OR52N5: variants seen among roughly 807,000 people sequenced by gnomAD.
OR52N5 encodes olfactory receptor family 52 subfamily N member 5.
OR52N5 carries 10 observed loss-of-function variants against 14.1 expected under a neutral mutation model. The ratio of observed to expected loss-of-function variants is 0.71; its 90% CI spans 0.44 to 1.20. The LOEUF (loss-of-function observed/expected upper bound fraction) is 1.20. Ranked by LOEUF, OR52N5 falls within the 50% of genes most tolerant of loss-of-function variation. OR52N5 has a pLI of 0.00. For synonymous variants in OR52N5, 116 were observed against 143.0 expected (o/e 0.81, Z 1.35); for missense variants, 361 against 403.2 (o/e 0.90, Z 0.90).
chr11:5,782,105 T>A lies in OR52N5; in HGVS notation c.-247-349A>T, dbSNP rs931542773. ...TTGCTCTAAAATGTTTTCCCAGAAA[T>A]GTCAAATCAACCTTTTAATGACACA... On this transcript the variant is annotated intron_variant, in intron 1 of 2. Coordinates refer to ENST00000641181, the MANE Select transcript of OR52N5 (RefSeq NM_001385662.1). Among the ~76,000 whole-genome samples, 4 of 140,516 alleles carry A rather than the reference T, an allele frequency of 2.8e-5. 1 individual carries two copies. In the Admixed American group the frequency reaches 2.9e-4, roughly 10 times the overall value. 92.2% of individuals were successfully genotyped at this position (140,516 alleles called of 152,430 possible). A position where few individuals can be genotyped will look rare whatever the true frequency, so the allele number is the denominator to read the frequency against.
At chr11:5,782,536 C>G (rs1487516461) in intron 1 of OR52N5, among the ~76,000 whole-genome samples, 1 of 139,786 alleles carries the variant, frequency 7.2e-6, no homozygotes, top group African/African-American at 2.6e-5. Flanking sequence ...AATAGCTTGC[C>G]AAAGATACAG....
Position 5,778,493 on chromosome 11 carries a change from C to A in OR52N5, c.142G>T (p.Val48Leu), listed in dbSNP as rs1408506097. ...PLCTMYIIFL[V>L]GNLGLVYLIY... is the part of the protein sequence containing the mutation. ...AGGTACACAAGACCAAGATTCCCCA[C>A]AAGGAAGATGATGTACATTGTGCAG... Residue 48 changes from valine to leucine, a missense_variant, in exon 3 of 3, where the codon GTG becomes TTG. Physicochemically the swap from Val to Leu is conservative, Grantham distance 32. Transcript: ENST00000641181. The A allele has an allele frequency of 6.6e-7, 1 of 1,517,832 alleles. No homozygotes were observed. The highest frequency in any genetic ancestry group is 1.4e-5 in the African/African-American group (1 of 69,584). 94.0% of individuals were successfully genotyped at this position (1,517,832 alleles called of 1,614,324 possible). A position where few individuals can be genotyped will look rare whatever the true frequency, so the allele number is the denominator to read the frequency against.
chr11:5,777,690 C>T lies in OR52N5; in HGVS notation c.945G>A (p.Lys315=). ...CTGCACCCTTATCACCCTGGAAGAA[C>T]TTTATGACACTCTTGCGTATCTGTT... ...KTKQIRKSVI[K]FFQGDKGAG is the part of the protein sequence containing the mutation. Residue 315 remains lysine, a synonymous_variant, in exon 3 of 3, where the codon AAG becomes AAA. Coordinates refer to ENST00000641181, the MANE Select transcript of OR52N5 (RefSeq NM_001385662.1). 6.7e-7 allele frequency: 1 copy of T among 1,495,646 alleles called. No homozygotes were observed. Among genetic ancestry groups the T allele is most frequent in the Non-Finnish European group, 9.1e-7 (1 of 1,101,538 alleles). 92.6% of individuals were successfully genotyped at this position (1,495,646 alleles called of 1,614,324 possible). A position where few individuals can be genotyped will look rare whatever the true frequency, so the allele number is the denominator to read the frequency against.
In OR52N5 at chr11:5,778,189, A is replaced by G; in HGVS notation, c.446T>C (p.Ile149Thr). The G allele has an allele frequency of 6.6e-7, 1 of 1,520,902 alleles. No individual in the cohort carries two copies. Among genetic ancestry groups the G allele is most frequent in the Non-Finnish European group, 9.0e-7 (1 of 1,114,228 alleles). 94.2% of individuals were successfully genotyped at this position (1,520,902 alleles called of 1,614,324 possible). Reference sequence around the variant, plus strand: ...GGTGGCAAGCTCAGCCTTGGCAATGATAGGGTTGGTGAGTGTGGTAGCATA... The same window carrying G: ...GGTGGCAAGCTCAGCCTTGGCAATGGTAGGGTTGGTGAGTGTGGTAGCATA... ...LRYATTLTNP[I>T]IAKAELATFL... is the part of the protein sequence containing the mutation. Residue 149 changes from isoleucine to threonine, a missense_variant, in exon 3 of 3, where the codon ATC becomes ACC. Physicochemically the swap from Ile to Thr is moderately conservative, Grantham distance 89. Transcript: ENST00000641181.
chr11:5,778,797 A>T, intron 2 of OR52N5, 140 bp from the exon 3 acceptor site: 2 of 484,690 alleles, frequency 4.1e-6, no homozygotes, highest in Non-Finnish European at 7.2e-6. Context: ...GTATTGAATA[A>T]TACTGTATTC....
In OR52N5 at chr11:5,778,536, T is replaced by TA. The variant is rs1352890411; in HGVS notation, c.98dup (p.Trp34MetfsTer27). 4 of 1,513,448 alleles carry TA rather than the reference T, an allele frequency of 2.6e-6. No individual in the cohort carries two copies. The African/African-American group carries it at 5.7e-5, about 22-fold the overall frequency. The allele number at this position is 1,513,448 out of a possible 1,614,324, so 93.8% of individuals were successfully genotyped here. A position where few individuals can be genotyped will look rare whatever the true frequency, so the allele number is the denominator to read the frequency against. ...TTGTGCAGAGTGGGAGGGAGATCCA[T>TA]ACATGTACTCTTTCCAGACCAGGTA... On this transcript the variant is annotated frameshift_variant, in exon 3 of 3. Coordinates refer to ENST00000641181, the MANE Select transcript of OR52N5 (RefSeq NM_001385662.1). LOFTEE classifies it high-confidence loss of function.
chr11:5,778,070 C>A lies in OR52N5; in HGVS notation c.565G>T (p.Asp189Tyr). ...GATAGCTTTACTACAGACATGTGGT[C>A]GCAGTACGTATGGGAGATAATATTG... is the stretch of plus-strand genomic sequence containing the variant. Reference protein sequence around the residue: ...QSNIISHTYCDHMSVVKLSCA... With the variant: ...QSNIISHTYCYHMSVVKLSCA... Residue 189 changes from aspartate (D) to tyrosine (Y), a missense_variant, in exon 3 of 3, where the codon GAC (aspartate) becomes TAC (tyrosine). By Grantham distance (160) the Asp-to-Tyr change is radical. Transcript: ENST00000641181. The A allele has an allele frequency of 6.6e-7, 1 of 1,518,236 alleles. No individual in the cohort carries two copies. The highest frequency in any genetic ancestry group is 1.2e-5 in the South Asian group (1 of 85,782). 94.0% of individuals were successfully genotyped at this position (1,518,236 alleles called of 1,614,324 possible).
Position 5,780,823 on chromosome 11 carries a change from T to A in OR52N5, c.-24+710A>T, listed in dbSNP as rs139354335. On this transcript the variant is annotated intron_variant, in intron 2 of 2. Coordinates refer to ENST00000641181, the MANE Select transcript of OR52N5 (RefSeq NM_001385662.1). ...AAGACAGTGTCTTCAATAAATGGTG[T>A]TGGGAAAACTGAATATCCACACTCA... Among the ~76,000 whole-genome samples, 53 of 140,016 alleles carry A rather than the reference T, an allele frequency of 3.8e-4. 7 individuals carry two copies. The East Asian group carries it at 9.5e-3, about 25-fold the overall frequency. The allele number at this position is 140,016 out of a possible 152,430, so 91.9% of individuals were successfully genotyped here.
At chr11:5,779,906 A>T (rs1333506808) in intron 2 of OR52N5, among the ~76,000 whole-genome samples, 1 of 139,066 alleles carries the variant, frequency 7.2e-6, no homozygotes, top group Non-Finnish European at 1.6e-5. Flanking sequence ...TTGTTACTCC[A>T]CCCAGGTCAC....
chr11:5,776,800 C>G lies in OR52N5; in HGVS notation c.*860G>C, dbSNP rs370743156. 10 of 140,370 alleles carry G rather than the reference C, an allele frequency of 7.1e-5. 2 individuals are homozygous for G. The highest frequency in any genetic ancestry group is 1.5e-4 in the Admixed American group (2 of 13,600). 8.7% of individuals were successfully genotyped at this position (140,370 alleles called of 1,614,324 possible). A position where few individuals can be genotyped will look rare whatever the true frequency, so the allele number is the denominator to read the frequency against. On this transcript the variant is annotated 3_prime_UTR_variant, in exon 3 of 3. Transcript: ENST00000641181. ...TCTGTTGATGGACACAGGTTGATTTCATGTCTTGGCTATTGTGAACAATGT... is the reference window on the plus strand; with the variant it reads ...TCTGTTGATGGACACAGGTTGATTTGATGTCTTGGCTATTGTGAACAATGT...
chr11:5,780,712 G>T (rs12287490), intron 2 of OR52N5, among the ~76,000 whole-genome samples: 1,578 of 139,154 alleles, frequency 0.011, 294 homozygotes, highest in Middle Eastern at 0.023. Context: ...ACTGAAAGAT[G>T]AAACAGAAAA....
rs888810527 is a variant in OR52N5 at position 5,782,392 on chromosome 11, A to G, written c.-247-636T>C. On this transcript the variant is annotated intron_variant, in intron 1 of 2. Coordinates refer to ENST00000641181, the MANE Select transcript of OR52N5 (RefSeq NM_001385662.1). ...GACAAAAAAAAGTAATAGTAGTACTATTTGATTGTCTATATTTACCTGTTT... is the reference window on the plus strand; with the variant it reads ...GACAAAAAAAAGTAATAGTAGTACTGTTTGATTGTCTATATTTACCTGTTT... Among the ~76,000 whole-genome samples, 6 of 139,784 alleles carry G rather than the reference A, an allele frequency of 4.3e-5. 1 individual carries two copies. The highest frequency in any genetic ancestry group is 1.6e-4 in the African/African-American group (6 of 38,170). The allele number at this position is 139,784 out of a possible 152,430, so 91.7% of individuals were successfully genotyped here. A position where few individuals can be genotyped will look rare whatever the true frequency, so the allele number is the denominator to read the frequency against.
rs1009679993 is a variant in OR52N5 at position 5,776,441 on chromosome 11, T to C, written c.*1219A>G. ...AATAAGACTTGTCTGTCCATTCTAA[T>C]ATATACATAAAAATATTTCTCAAAA... On this transcript the variant is annotated 3_prime_UTR_variant, in exon 3 of 3. Transcript: ENST00000641181. 1 of 140,262 alleles carries C rather than the reference T, an allele frequency of 7.1e-6. No individual in the cohort carries two copies. The highest frequency in any genetic ancestry group is 2.6e-5 in the African/African-American group (1 of 38,328). The allele number at this position is 140,262 out of a possible 1,614,324, so 8.7% of individuals were successfully genotyped here.
Position 5,778,407 on chromosome 11 carries a change from G to T in OR52N5, c.228C>A (p.Ser76=). 3.3e-6 allele frequency: 5 copies of T among 1,519,190 alleles called. 1 individual carries two copies. The highest frequency in any genetic ancestry group is 4.5e-6 in the Non-Finnish European group (5 of 1,113,806). The allele number at this position is 1,519,190 out of a possible 1,614,324, so 94.1% of individuals were successfully genotyped here. Residue 76 remains serine (S), a synonymous_variant, in exon 3 of 3, where the codon TCC becomes TCA. Transcript: ENST00000641181. The part of the protein sequence containing the change: ...PMYFFFGHAL[S]LIDLLTCTTT... ...TGGTGCAGGTAAGGAGGTCAATGAG[G>T]GAGAGAGCATGGCCAAAAAAAAAAT...
At chr11:5,783,141 G>A (rs1854561319) in intron 1 of OR52N5, among the ~76,000 whole-genome samples, 154 bp downstream of exon 1, 1 of 138,666 alleles carries the variant, frequency 7.2e-6, no homozygotes, top group African/African-American at 2.6e-5. Flanking sequence ...TTTGAATGTG[G>A]AATGAACATA....
Position 5,777,827 on chromosome 11 carries a change from C to T in OR52N5, c.808G>A (p.Ala270Thr). 2 of 1,519,984 alleles carry T rather than the reference C, an allele frequency of 1.3e-6. 1 individual carries two copies. Among genetic ancestry groups the T allele is most frequent in the East Asian group, 4.7e-5 (2 of 42,828 alleles). The allele number at this position is 1,519,984 out of a possible 1,614,324, so 94.2% of individuals were successfully genotyped here. A position where few individuals can be genotyped will look rare whatever the true frequency, so the allele number is the denominator to read the frequency against. The change falls in exon 3 of 3, where the codon GCC becomes ACC. Residue 270 changes from alanine to threonine, a missense_variant. By Grantham distance (58) the Ala-to-Thr change is moderately conservative. Transcript: ENST00000641181. Reference sequence around the variant, plus strand: ...ATTGTGTGTCCCCCAAAACGGTGGGCAAAGAAAGTGAAGAATGCTGGAACA... The same window carrying T: ...ATTGTGTGTCCCCCAAAACGGTGGGTAAAGAAAGTGAAGAATGCTGGAACA... ...TYVPAFFTFF[A>T]HRFGGHTIPP...
Position 5,777,730 on chromosome 11 carries a change from T to C in OR52N5, c.905A>G (p.Tyr302Cys). The C allele has an allele frequency of 7.9e-6, 12 of 1,515,686 alleles. 2 individuals carry two copies. Among genetic ancestry groups the C allele is most frequent in the African/African-American group, 2.9e-5 (2 of 70,098 alleles). 93.9% of individuals were successfully genotyped at this position (1,515,686 alleles called of 1,614,324 possible). A position where few individuals can be genotyped will look rare whatever the true frequency, so the allele number is the denominator to read the frequency against. The part of the protein sequence containing the change: ...LLPPTLNPIV[Y>C]GVKTKQIRKS... ...GCGTATCTGTTTTGTCTTTACTCCA[T>C]AAACAATAGGGTTTAGAGTTGGGGG... Residue 302 changes from tyrosine (Y) to cysteine (C), a missense_variant, in exon 3 of 3, where the codon TAT (tyrosine) becomes TGT (cysteine). Tyr to Cys is a radical substitution (Grantham distance 194). Coordinates refer to ENST00000641181, the MANE Select transcript of OR52N5 (RefSeq NM_001385662.1).
Position 5,778,595 on chromosome 11 carries a change from G to A in OR52N5, c.40C>T (p.His14Tyr), listed in dbSNP as rs539484040. 2 of 1,481,608 alleles carry A rather than the reference G, an allele frequency of 1.3e-6. No individual in the cohort carries two copies. The highest frequency in any genetic ancestry group is 1.8e-6 in the Non-Finnish European group (2 of 1,086,490). The allele number at this position is 1,481,608 out of a possible 1,614,324, so 91.8% of individuals were successfully genotyped here. A position where few individuals can be genotyped will look rare whatever the true frequency, so the allele number is the denominator to read the frequency against. ...AGAATAAAAGATGGAGGAGTCACAT[G>A]AATTGTTGGAAACCAGCATAATGAA... ...FNSLCWFPTI[H>Y]VTPPSFILNG... Residue 14 changes from histidine (H) to tyrosine (Y), a missense_variant, in exon 3 of 3, where the codon CAT (histidine) becomes TAT (tyrosine). His to Tyr is a moderately conservative substitution (Grantham distance 83, BLOSUM62 2). Transcript: ENST00000641181.
chr11:5,776,185 A>T lies in OR52N5; in HGVS notation c.*1475T>A, dbSNP rs751479898. On this transcript the variant is annotated 3_prime_UTR_variant, in exon 3 of 3. Coordinates refer to ENST00000641181, the MANE Select transcript of OR52N5 (RefSeq NM_001385662.1). ...GTGTTGTGATAATATAGTGTGTGTGACAACCAGGAAGAGGTAATGATAAGT... is the reference window on the plus strand; with the variant it reads ...GTGTTGTGATAATATAGTGTGTGTGTCAACCAGGAAGAGGTAATGATAAGT... The T allele has an allele frequency of 1.1e-4, 15 of 140,596 alleles. 4 individuals are homozygous for T. The highest frequency in any genetic ancestry group is 2.0e-4 in the Non-Finnish European group (13 of 63,532). 8.7% of individuals were successfully genotyped at this position (140,596 alleles called of 1,614,324 possible).
Sources: gnomAD v4.1 joint callset for allele counts (sites outside exome capture counted in the v4.1 genomes callset) on GRCh38, gnomAD v4.1.1 for gene constraint, MANE v1.5 for transcripts, NCBI Gene and HGNC (gene_info 2026-07-23, HGNC 2026-07-21) for gene names.